Variants in RGS20 observed in about 807,000 individuals in gnomAD.
The protein encoded by RGS20 is gz-selective GTPase-activating protein.
RGS20 carries 30 observed loss-of-function variants against 33.6 expected under a neutral mutation model. The observed-to-expected ratio is 0.89, with a 90% confidence interval of 0.67 to 1.21. The LOEUF (loss-of-function observed/expected upper bound fraction) is 1.21. RGS20 is among the 50% of genes most tolerant of loss of function. The probability of loss-of-function intolerance (pLI) is 0.00; values close to 1 mark genes in which losing one functional copy is unlikely to be tolerated. For synonymous variants in RGS20, 208 were observed against 197.9 expected (o/e 1.05, Z -0.43); for missense variants, 472 against 502.4 (o/e 0.94, Z 0.58).
intron 1 of RGS20, among the ~76,000 whole-genome samples, chr8:53,861,618 GC>G (rs1289757436): frequency 6.6e-6 from 1 of 152,160 alleles, no homozygotes; most frequent in African/African-American, 2.4e-5. Context: ...GTGACCATTT[GC>G]CCAGAGGATC....
chr8:53,872,424 A>G (rs907669452), intron 1 of RGS20, among the ~76,000 whole-genome samples: 4 of 152,188 alleles, frequency 2.6e-5, no homozygotes, highest in Non-Finnish European at 5.9e-5. Context: ...TTCAGGCTAT[A>G]TGGACCCTTA....
intron 2 of RGS20, among the ~76,000 whole-genome samples, chr8:53,927,586 C>A (rs1264303549): frequency 6.6e-6 from 1 of 152,076 alleles, no homozygotes; most frequent in African/African-American, 2.4e-5. Context: ...GTTCTGAGCC[C>A]TAGGACCATC....
At chr8:53,869,380 A>C (rs1812001825) in intron 1 of RGS20, among the ~76,000 whole-genome samples, 1 of 152,214 alleles carries the variant, frequency 6.6e-6, no homozygotes, top group South Asian at 2.1e-4. Context: ...TAGAACATTC[A>C]AAATTAAAAT....
At chr8:53,914,115 C>T (rs1419014319) in intron 2 of RGS20, among the ~76,000 whole-genome samples, 1 of 151,080 alleles carries the variant, frequency 6.6e-6, no homozygotes, top group Non-Finnish European at 1.5e-5. Context: ...ACTGCAGCCT[C>T]AAACTTCTGG....
chr8:53,896,712 T>C (rs1263167188), intron 2 of RGS20, among the ~76,000 whole-genome samples: 1 of 152,236 alleles, frequency 6.6e-6, no homozygotes, highest in Non-Finnish European at 1.5e-5. Context: ...TAAGATTCCT[T>C]TGGGTATGCA....
chr8:53,881,334 C>A (rs1233157271), intron 2 of RGS20, among the ~76,000 whole-genome samples: 5 of 151,924 alleles, frequency 3.3e-5, no homozygotes, highest in Non-Finnish European at 4.4e-5. Context: ...ATGTCCCGGG[C>A]CTGCCAGGGC....
intron 2 of RGS20, among the ~76,000 whole-genome samples, chr8:53,898,408 G>A (rs1812925304): frequency 2.6e-5 from 4 of 152,262 alleles, no homozygotes; most frequent in Admixed American, 6.5e-5. Context: ...CACCACATCA[G>A]AACCAAAGAA....
At chr8:53,894,293 T>A (rs1010953994) in intron 2 of RGS20, among the ~76,000 whole-genome samples, 2 of 152,240 alleles carry the variant, frequency 1.3e-5, no homozygotes, top group Admixed American at 6.5e-5. Flanking sequence ...TTGTTCAACA[T>A]ATCTACTATT....
At chr8:53,866,081 A>G (rs978631984) in intron 1 of RGS20, among the ~76,000 whole-genome samples, 42 of 152,144 alleles carry the variant, frequency 2.8e-4, no homozygotes, top group African/African-American at 8.7e-4. Context: ...GATAAATAGG[A>G]GAGGAGATTG....
At chr8:53,927,628 G>C (rs1813841738) in intron 2 of RGS20, among the ~76,000 whole-genome samples, 1 of 152,144 alleles carries the variant, frequency 6.6e-6, no homozygotes, top group South Asian at 2.1e-4. Context: ...GGGGGATGAT[G>C]TGTGTGACTT....
intron 1 of RGS20, among the ~76,000 whole-genome samples, chr8:53,860,830 G>A (rs923960547): frequency 6.6e-6 from 1 of 152,126 alleles, no homozygotes; most frequent in Admixed American, 6.5e-5. Context: ...AGCTGGGTGT[G>A]GTGGCACATG....
At chr8:53,925,834 G>A (rs1220102681) in intron 2 of RGS20, among the ~76,000 whole-genome samples, 3 of 152,106 alleles carry the variant, frequency 2.0e-5, no homozygotes, top group Non-Finnish European at 2.9e-5. Context: ...ACTGTGTTCT[G>A]ACAAAGATGT....
At chr8:53,865,261 T>G (rs1486182050) in intron 1 of RGS20, among the ~76,000 whole-genome samples, 3 of 152,192 alleles carry the variant, frequency 2.0e-5, no homozygotes, top group Non-Finnish European at 4.4e-5. Flanking sequence ...ACAAATGGAG[T>G]GGCCCTCTTG....
Position 53,851,859 on chromosome 8 carries a change from A to G in RGS20, c.-41A>G, listed in dbSNP as rs774234405. The G allele has an allele frequency of 6.2e-7, 1 of 1,601,072 alleles. No homozygotes were observed. The highest frequency in any genetic ancestry group is 8.5e-7 in the Non-Finnish European group (1 of 1,173,070). ...TGGATCCTGTGCTAATATTGGGAAA[A>G]CCAGGCAACAGGACTCATTTGGGGC... On this transcript the variant is annotated 5_prime_UTR_variant, in exon 1 of 6. Coordinates refer to ENST00000297313, the MANE Select transcript of RGS20 (RefSeq NM_170587.4).
chr8:53,908,941 A>C (rs1813257937), intron 2 of RGS20, among the ~76,000 whole-genome samples: 1 of 152,102 alleles, frequency 6.6e-6, no homozygotes, highest in Admixed American at 6.6e-5. Flanking sequence ...ATAAAATTTA[A>C]AATATTGGCA....
chr8:53,875,897 T>G (rs1414023812), intron 1 of RGS20, among the ~76,000 whole-genome samples: 1 of 152,208 alleles, frequency 6.6e-6, no homozygotes, highest in Non-Finnish European at 1.5e-5. Context: ...AATATTAACC[T>G]GTGACTCTAA....
intron 2 of RGS20, among the ~76,000 whole-genome samples, chr8:53,894,343 G>A (rs1472924253): frequency 6.6e-6 from 1 of 152,190 alleles, no homozygotes; most frequent in Non-Finnish European, 1.5e-5. Flanking sequence ...CTAAAATTCA[G>A]TAGATATTTT....
intron 1 of RGS20, among the ~76,000 whole-genome samples, chr8:53,865,886 C>T (rs57924266): frequency 0.028 from 4,239 of 152,296 alleles, 161 homozygotes; most frequent in African/African-American, 0.087. Context: ...GGATTACAGG[C>T]ATGAACCATT....
At position 53,910,639 on chromosome 8, in the gene RGS20, G is replaced by GT. The variant is rs754152226; in HGVS notation, c.511-28934dup. On this transcript the variant is annotated intron_variant, in intron 2 of 5. Coordinates refer to ENST00000297313, the MANE Select transcript of RGS20 (RefSeq NM_170587.4). Reference sequence around the variant, plus strand: ...CCCACACAAAAATCTCTGCACAAATGTTTATAGAAGCTTTATTCATAAGCA... The same window carrying GT: ...CCCACACAAAAATCTCTGCACAAATGTTTTATAGAAGCTTTATTCATAAGCA... Among the ~76,000 whole-genome samples the GT allele has an allele frequency of 2.0e-5, 3 of 152,268 alleles. No individual in the cohort carries two copies. The South Asian group carries it at 6.2e-4, about 32-fold the overall frequency.
Sources: allele counts gnomAD v4.1 joint callset (sites outside exome capture counted in the v4.1 genomes callset), GRCh38; gene constraint gnomAD v4.1.1; transcripts MANE v1.5; gene names NCBI Gene and HGNC (gene_info 2026-07-23, HGNC 2026-07-21).